The following ACTN4 variants were observed in gnomAD, a reference collection of about 807,000 sequenced individuals.
ACTN4 encodes the protein alpha-actinin-4.
ACTN4 carries 18 observed loss-of-function variants against 114.2 expected under a neutral mutation model. That is an observed-to-expected ratio of 0.16 (90% confidence interval 0.11 to 0.23). The LOEUF is 0.23. Among genes scored for constraint, ACTN4 ranks in the 10% least tolerant of loss-of-function variants. The pLI is 1.00. For synonymous variants in ACTN4, 515 were observed against 506.3 expected (o/e 1.02, Z -0.23); for missense variants, 722 against 1,262.9 (o/e 0.57, Z 6.49).
chr19:38,659,168 C>T (rs530770914), intron 1 of ACTN4, among the ~76,000 whole-genome samples: 39 of 144,656 alleles, frequency 2.7e-4, no homozygotes, highest in African/African-American at 9.6e-4. Context: ...TCAAGTGATT[C>T]TCCTGCCTTA....
chr19:38,677,846 C>G (rs963671598), intron 1 of ACTN4, among the ~76,000 whole-genome samples: 3 of 152,168 alleles, frequency 2.0e-5, no homozygotes, highest in African/African-American at 7.2e-5. Flanking sequence ...CCTGCCTCAG[C>G]CTCCCAAGTA....
At chr19:38,651,616 T>C (rs2144817820) in intron 1 of ACTN4, among the ~76,000 whole-genome samples, 1 of 152,330 alleles carries the variant, frequency 6.6e-6, no homozygotes, top group East Asian at 1.9e-4. Flanking sequence ...GTTTCAACCC[T>C]GACCGTTGGC....
chr19:38,692,977 C>T (rs1039977788), intron 1 of ACTN4, among the ~76,000 whole-genome samples: 2 of 152,174 alleles, frequency 1.3e-5, no homozygotes, highest in Admixed American at 1.3e-4. Context: ...TAGGGAGCTC[C>T]GTCTGGCCTC....
At position 38,724,367 on chromosome 19, in the gene ACTN4, G is replaced by C. The variant is rs777270079; in HGVS notation, c.1875+28G>C. ...GGGCCGGGGCCATCCGTAGGGGCTG[G>C]GGCAGGACGGCGGGGCTGGGGGCCA... On this transcript the variant is annotated intron_variant, in intron 15 of 20. Coordinates refer to ENST00000252699, the MANE Select transcript of ACTN4 (RefSeq NM_004924.6). The surrounding 1 kb of genome is among the most constrained non-coding windows in gnomAD (Gnocchi z 7.0). 10 of 1,612,478 alleles carry C rather than the reference G, an allele frequency of 6.2e-6. No homozygotes were observed. The East Asian group carries it at 2.2e-4, about 36-fold the overall frequency.
chr19:38,657,273 G>T (rs1409352171), intron 1 of ACTN4, among the ~76,000 whole-genome samples: 1 of 152,054 alleles, frequency 6.6e-6, no homozygotes, highest in Non-Finnish European at 1.5e-5. Flanking sequence ...TTCCCAAGTA[G>T]CTGGGATTAC....
intron 1 of ACTN4, among the ~76,000 whole-genome samples, chr19:38,665,874 G>A (rs530654755): frequency 3.9e-4 from 59 of 152,200 alleles, no homozygotes; most frequent in African/African-American, 1.3e-3. Flanking sequence ...CCCCTTCCCC[G>A]CAAAGCAAAG....
chr19:38,673,819 A>G (rs1487772134), intron 1 of ACTN4, among the ~76,000 whole-genome samples: 3 of 102,752 alleles, frequency 2.9e-5, no homozygotes, highest in African/African-American at 4.1e-5. Context: ...TGGAGTCTCT[A>G]TCACCCAGGC....
chr19:38,671,808 A>C (rs534901624), intron 1 of ACTN4, among the ~76,000 whole-genome samples: 1 of 152,254 alleles, frequency 6.6e-6, no homozygotes, highest in East Asian at 1.9e-4. Flanking sequence ...GAAGCTCGCC[A>C]TGAAGGCATC....
At position 38,719,500 on chromosome 19, in the gene ACTN4, G is replaced by A. The variant is rs1421836150; in HGVS notation, c.1291+1426G>A. Among the ~76,000 whole-genome samples, 3 of 152,384 alleles carry A rather than the reference G, an allele frequency of 2.0e-5. No homozygotes were observed. In the East Asian group the frequency reaches 5.8e-4, roughly 29 times the overall value. On this transcript the variant is annotated intron_variant, in intron 11 of 20. Transcript: ENST00000252699. ...GCCCAGCCCCTTTGCTACCAGGAAAGAGTGCGAGTGAGAGAGTGGATAGTG... is the reference window on the plus strand; with the variant it reads ...GCCCAGCCCCTTTGCTACCAGGAAAAAGTGCGAGTGAGAGAGTGGATAGTG...
At chr19:38,721,396 G>C (rs1969035386) in intron 11 of ACTN4, 142 bp from the exon 12 acceptor site, 1 of 1,026,578 alleles carries the variant, frequency 9.7e-7, no homozygotes, top group Admixed American at 2.0e-5. Context: ...GAAGATTCTG[G>C]AAGTTTCCAT....
At position 38,729,394 on chromosome 19, in the gene ACTN4, T is replaced by A. The variant is rs748619848; in HGVS notation, c.2698T>A (p.Ser900Thr). The A allele has an allele frequency of 1.1e-5, 17 of 1,612,490 alleles. No individual in the cohort carries two copies. In the East Asian group the frequency reaches 3.1e-4, roughly 30 times the overall value. Residue 900 changes from serine (S) to threonine (T), a missense_variant, in exon 21 of 21, where the codon TCC (serine) becomes ACC (threonine). Physicochemically the swap from Ser to Thr is moderately conservative, Grantham distance 58. Coordinates refer to ENST00000252699, the MANE Select transcript of ACTN4 (RefSeq NM_004924.6). The part of the protein sequence containing the change: ...DAVPGALDYK[S>T]FSTALYGESD... ...CGTGCCCGGTGCCCTCGACTACAAGTCCTTCTCCACGGCCTTGTATGGCGA... is the reference window on the plus strand; with the variant it reads ...CGTGCCCGGTGCCCTCGACTACAAGACCTTCTCCACGGCCTTGTATGGCGA...
intron 1 of ACTN4, among the ~76,000 whole-genome samples, chr19:38,678,367 A>AC (rs1468839722): frequency 9.9e-5 from 15 of 152,200 alleles, no homozygotes; most frequent in African/African-American, 2.7e-4. Context: ...AGACCTAAGA[A>AC]CACAGCCCTG....
intron 1 of ACTN4, among the ~76,000 whole-genome samples, chr19:38,678,233 A>C (rs1235723211): frequency 6.6e-6 from 1 of 152,238 alleles, no homozygotes; most frequent in Non-Finnish European, 1.5e-5. Context: ...CGTGTGGCTA[A>C]AACGCTGTAG....
At chr19:38,677,116 A>C (rs1197463112) in intron 1 of ACTN4, among the ~76,000 whole-genome samples, 1 of 151,814 alleles carries the variant, frequency 6.6e-6, no homozygotes, top group Non-Finnish European at 1.5e-5. Flanking sequence ...CCTCCTCCTC[A>C]TTCTTCAGAT....
chr19:38,723,644 C>A lies in ACTN4; in HGVS notation c.1473C>A (p.Val491=). The A allele has an allele frequency of 1.2e-6, 2 of 1,613,416 alleles. No homozygotes were observed. Among genetic ancestry groups the A allele is most frequent in the Non-Finnish European group, 1.7e-6 (2 of 1,179,788 alleles). ...NELDYYDSHN[V]NTRCQKICDQ... The stretch of plus-strand genomic sequence containing the variant: ...TGGATTACTACGACTCCCACAATGT[C>A]AACACCCGGTGCCAGAAGATCTGTG... Residue 491 remains valine, a synonymous_variant, in exon 13 of 21, where the codon GTC becomes GTA. Transcript: ENST00000252699.
At chr19:38,673,752 T>TGTATA (rs1967281617) in intron 1 of ACTN4, among the ~76,000 whole-genome samples, 1 of 97,174 alleles carries the variant, frequency 1.0e-5, no homozygotes, top group Non-Finnish European at 2.2e-5. Context: ...TATTTATATA[T>TGTATA]ATTTTTATAT....
chr19:38,702,855 G>A (rs1346259390), intron 3 of ACTN4, among the ~76,000 whole-genome samples: 1 of 152,204 alleles, frequency 6.6e-6, no homozygotes, highest in Non-Finnish European at 1.5e-5. Flanking sequence ...CTCTCCACCT[G>A]CTTCCAAGCA....
chr19:38,686,297 C>T (rs923723083), intron 1 of ACTN4, among the ~76,000 whole-genome samples: 6 of 152,226 alleles, frequency 3.9e-5, no homozygotes, highest in Admixed American at 2.6e-4. Flanking sequence ...CCAGGCCACA[C>T]TGTCTCAAGG....
intron 1 of ACTN4, among the ~76,000 whole-genome samples, chr19:38,660,428 T>C (rs1976849493): frequency 6.6e-6 from 1 of 150,706 alleles, no homozygotes; most frequent in Admixed American, 6.6e-5. Context: ...TGAGTTTCGC[T>C]CTTGTTGCCC....
Sources: allele counts gnomAD v4.1 joint callset (sites outside exome capture counted in the v4.1 genomes callset), GRCh38; gene constraint gnomAD v4.1.1; non-coding constraint Gnocchi (gnomAD v3.1); transcripts MANE v1.5; gene names NCBI Gene and HGNC (gene_info 2026-07-23, HGNC 2026-07-21).